Variants in SVEP1 observed in about 807,000 individuals in gnomAD.
SVEP1 encodes the protein sushi, von Willebrand factor type A, EGF and pentraxin domain containing 1, also known as sushi, von Willebrand factor type A, EGF and pentraxin domain-containing protein 1.
SVEP1 carries 164 observed loss-of-function variants against 367.3 expected under a neutral mutation model. That is an observed-to-expected ratio of 0.45 (90% CI 0.39 to 0.51). SVEP1 has a LOEUF of 0.51. Among genes scored for constraint, SVEP1 ranks in the 20% least tolerant of loss-of-function variants. The pLI is 0.00. For missense variants in SVEP1, 4,117 were observed against 4,425.3 expected (o/e 0.93, Z 1.98); for synonymous variants, 1,666 against 1,611.6 (o/e 1.03, Z -0.81).
intron 3 of SVEP1, among the ~76,000 whole-genome samples, chr9:110,538,630 T>C (rs542643629): frequency 3.7e-4 from 57 of 152,238 alleles, no homozygotes; most frequent in African/African-American, 1.3e-3. Context: ...ATGAAAATAA[T>C]ATAGCTGGAG....
rs1197052772 is a variant in SVEP1 at position 110,579,167 on chromosome 9, G to A, written c.377C>T (p.Thr126Ile). The A allele has an allele frequency of 5.1e-6, 8 of 1,565,272 alleles. No individual in the cohort carries two copies. The highest frequency in any genetic ancestry group is 6.9e-6 in the Non-Finnish European group (8 of 1,155,896). ...CACCACGTAGTTCTTGGACGAGAAG[G>A]TCACGATGGCCACGCGCGTGGCCGT... ...VPTATRVAIV[T>I]FSSKNYVVPR... The change falls in exon 1 of 48, where the codon ACC (threonine) becomes ATC (isoleucine). Residue 126 changes from threonine (T) to isoleucine (I), a missense_variant. Transcript: ENST00000374469. This position sits in a 1 kb window ranked among gnomAD's most constrained non-coding sequence, Gnocchi z 5.3.
chr9:110,403,307 T>G (rs924572983), intron 39 of SVEP1, among the ~76,000 whole-genome samples: 11 of 129,980 alleles, frequency 8.5e-5, no homozygotes, highest in Admixed American at 6.3e-4. Flanking sequence ...TTTTTTTTTT[T>G]TTTTTTTTTT....
intron 47 of SVEP1, among the ~76,000 whole-genome samples, chr9:110,367,164 T>C (rs1487781901): frequency 1.3e-5 from 2 of 152,136 alleles, no homozygotes; most frequent in Non-Finnish European, 2.9e-5. Flanking sequence ...GCACTAGGCA[T>C]ATATATATAT....
At chr9:110,437,426 AC>A in intron 27 of SVEP1, among the ~76,000 whole-genome samples, 1 of 152,168 alleles carries the variant, frequency 6.6e-6, no homozygotes, top group East Asian at 1.9e-4. Context: ...CCATGCTCAC[AC>A]CTTTGAAAAC....
intron 5 of SVEP1, among the ~76,000 whole-genome samples, chr9:110,511,040 C>A (rs376654534): frequency 2.6e-5 from 4 of 152,174 alleles, no homozygotes; most frequent in Admixed American, 6.5e-5. Flanking sequence ...GAATGGCCAA[C>A]AAAGGGGCCT....
chr9:110,385,994 A>C lies in SVEP1; in HGVS notation c.10141T>G (p.Ser3381Ala), dbSNP rs978800836. ...AGAAAACCTTCCCTACATTTGATGG[A>C]CACATTCTGATCAACATAAAACTCC... The part of the protein sequence containing the change: ...EKEFYVDQNV[S>A]IKCREGFLLQ... The change falls in exon 43 of 48, where the codon TCC (serine) becomes GCC (alanine). Residue 3381 changes from serine to alanine, a missense_variant. By Grantham distance (99) the Ser-to-Ala change is moderately conservative. Coordinates refer to ENST00000374469, the MANE Select transcript of SVEP1 (RefSeq NM_153366.4). 8 of 1,613,848 alleles carry C rather than the reference A, an allele frequency of 5.0e-6. No individual in the cohort carries two copies. In the African/African-American group the frequency reaches 8.0e-5, roughly 16 times the overall value.
At chr9:110,434,205 A>G in intron 30 of SVEP1, 131 bp downstream of exon 30, 1 of 1,076,628 alleles carries the variant, frequency 9.3e-7, no homozygotes, top group South Asian at 1.7e-5. Flanking sequence ...TTAAACAAAG[A>G]AAAGGTTCAA....
At chr9:110,470,842 G>T (rs1030956205) in intron 16 of SVEP1, among the ~76,000 whole-genome samples, 1 of 151,524 alleles carries the variant, frequency 6.6e-6, no homozygotes, top group Non-Finnish European at 1.5e-5. Context: ...GGTTTCTTAT[G>T]TATGTATACA....
At chr9:110,434,251 ACT>A (rs1564141654) in intron 30 of SVEP1, 83 bp downstream of exon 30, 3 of 1,402,366 alleles carry the variant, frequency 2.1e-6, no homozygotes, top group Non-Finnish European at 1.9e-6. Flanking sequence ...TGAAGTATTC[ACT>A]CTTTGTCTAG....
At chr9:110,475,170 T>A (rs905844613) in intron 14 of SVEP1, among the ~76,000 whole-genome samples, 1 of 152,092 alleles carries the variant, frequency 6.6e-6, no homozygotes, top group African/African-American at 2.4e-5. Flanking sequence ...TTTAAAAAAA[T>A]TTAAAAATCA....
intron 1 of SVEP1, among the ~76,000 whole-genome samples, chr9:110,557,475 CCCTTCCTG>C (rs1301001951): frequency 6.6e-6 from 1 of 151,368 alleles, no homozygotes; most frequent in Non-Finnish European, 1.5e-5. Context: ...CCCCTTCCCT[CCCTTCCTG>C]CCTCCCTCCC....
intron 1 of SVEP1, among the ~76,000 whole-genome samples, chr9:110,571,558 T>C (rs1367743017): frequency 6.6e-6 from 1 of 152,214 alleles, no homozygotes; most frequent in Admixed American, 6.5e-5. Flanking sequence ...TTCAGACCTG[T>C]CATTTTCCCT....
chr9:110,385,738 GA>G (rs1456080603), intron 43 of SVEP1, among the ~76,000 whole-genome samples, 159 bp downstream of exon 43: 1 of 152,184 alleles, frequency 6.6e-6, no homozygotes, highest in Non-Finnish European at 1.5e-5. Context: ...GAAATTCAAA[GA>G]TTAAAAGAAA....
At chr9:110,537,478 T>C (rs1830093154) in intron 3 of SVEP1, among the ~76,000 whole-genome samples, 3 of 152,080 alleles carry the variant, frequency 2.0e-5, no homozygotes, top group South Asian at 4.1e-4. Flanking sequence ...TCACAGAACA[T>C]TTAAAAATTA....
In SVEP1 at chr9:110,429,233, G is replaced by T; in HGVS notation, c.5717C>A (p.Ser1906Tyr). The T allele has an allele frequency of 6.3e-7, 1 of 1,596,060 alleles. No homozygotes were observed. The highest frequency in any genetic ancestry group is 8.5e-7 in the Non-Finnish European group (1 of 1,170,656). Residue 1906 changes from serine (S) to tyrosine (Y), a missense_variant, in exon 35 of 48, where the codon TCT becomes TAT. Physicochemically the swap from Ser to Tyr is moderately radical, Grantham distance 144 (BLOSUM62 -2). This residue lies in a region of SVEP1 where 2,174 missense variants were observed against 2,494.3 expected (regional missense o/e 0.87). Coordinates refer to ENST00000374469, the MANE Select transcript of SVEP1 (RefSeq NM_153366.4). ...TCCATTATTTATATTTTCCGGACTAGAACACTTCACTGGTTCACACACAGG... is the reference window on the plus strand; with the variant it reads ...TCCATTATTTATATTTTCCGGACTATAACACTTCACTGGTTCACACACAGG... ...SPPVCEPVKC[S>Y]SPENINNGKY...
chr9:110,464,940 T>C (rs970860579), intron 18 of SVEP1, among the ~76,000 whole-genome samples: 43 of 152,352 alleles, frequency 2.8e-4, no homozygotes, highest in African/African-American at 1.0e-3. Flanking sequence ...ATTGTCATTC[T>C]AAGTTTTCAT....
At chr9:110,413,299 C>A (rs1282089332) in intron 36 of SVEP1, among the ~76,000 whole-genome samples, 7 of 148,576 alleles carry the variant, frequency 4.7e-5, no homozygotes, top group Non-Finnish European at 1.0e-4. Context: ...GAACAAAAAA[C>A]CAAACACCGC....
intron 1 of SVEP1, among the ~76,000 whole-genome samples, chr9:110,554,102 C>T (rs1830325426): frequency 6.6e-6 from 1 of 152,154 alleles, no homozygotes; most frequent in South Asian, 2.1e-4. Context: ...ATAATCTCTG[C>T]ATCCAGGTTA....
In SVEP1 at chr9:110,375,441, C is replaced by G; in HGVS notation, c.10527G>C (p.Leu3509=). 1 of 886,708 alleles carries G rather than the reference C, an allele frequency of 1.1e-6. No homozygotes were observed. The highest frequency in any genetic ancestry group is 1.7e-6 in the Non-Finnish European group (1 of 604,092). The allele number at this position is 886,708 out of a possible 1,614,324, so 54.9% of individuals were successfully genotyped here. A position where few individuals can be genotyped will look rare whatever the true frequency, so the allele number is the denominator to read the frequency against. The change falls in exon 46 of 48, where the codon CTG becomes CTC. Residue 3509 remains leucine (L), a synonymous_variant. Coordinates refer to ENST00000374469, the MANE Select transcript of SVEP1 (RefSeq NM_153366.4). The part of the protein sequence containing the change: ...CEEPICILPC[L]NGGRCVAPYQ... The stretch of plus-strand genomic sequence containing the variant: ...AAGGGGCCACACAGCGACCTCCGTT[C>G]AGACAGGGAAGAATGCAGATTGCTA...
Sources: gnomAD v4.1 joint callset for allele counts (sites outside exome capture counted in the v4.1 genomes callset) on GRCh38, gnomAD v4.1.1 for gene constraint, gnomAD v4.1.1 regional missense constraint, Gnocchi (gnomAD v3.1) non-coding constraint, MANE v1.5 for transcripts, NCBI Gene and HGNC (gene_info 2026-07-23, HGNC 2026-07-21) for gene names.